Variants in NUAK1 observed in about 807,000 individuals in gnomAD.
The protein encoded by NUAK1 is NUAK family kinase 1, also known as NUAK family SNF1-like kinase 1.
In NUAK1, 26 loss-of-function variants were observed where a neutral mutation model predicts 56.9. That is an observed-to-expected ratio of 0.46 (90% CI 0.33 to 0.63). NUAK1 has a LOEUF of 0.63. NUAK1 is among the 30% of genes least tolerant of loss of function. The pLI, the probability that NUAK1 is intolerant of heterozygous loss-of-function variation, is 0.02. For synonymous variants in NUAK1, 337 were observed against 336.0 expected, an observed-to-expected ratio of 1.00 and a Z score of -0.03; for missense variants, 727 against 876.1, an observed-to-expected ratio of 0.83 and a Z score of 2.15.
At chr12:106,122,992 A>G (rs983886550) in intron 1 of NUAK1, among the ~76,000 whole-genome samples, 1 of 152,208 alleles carries the variant, frequency 6.6e-6, no homozygotes, top group Non-Finnish European at 1.5e-5. Context: ...TGCTCGACAA[A>G]TATCAGATGA....
chr12:106,081,376 A>G (rs1375461631), intron 4 of NUAK1, among the ~76,000 whole-genome samples: 1 of 152,242 alleles, frequency 6.6e-6, no homozygotes, highest in Non-Finnish European at 1.5e-5. Flanking sequence ...GGAATTTAAA[A>G]GTGTTGATAA....
rs765737007 is a variant in NUAK1, at chr12:106,066,928, G to C, written c.1860C>G (p.Pro620=). The stretch of plus-strand genomic sequence containing the variant: ...GGTACCGCTTCAGGTACTGGGGCCG[G>C]GGCCGGTTCTGGAGCCCCTCAAAGT... The part of the protein sequence containing the change: ...IQDFEGLQNR[P]RPQYLKRYRN... The change falls in exon 7 of 7, where the codon CCC becomes CCG. Residue 620 remains proline, a synonymous_variant. Coordinates refer to ENST00000261402, the MANE Select transcript of NUAK1 (RefSeq NM_014840.3). 2 of 1,614,144 alleles carry C rather than the reference G, an allele frequency of 1.2e-6. No homozygotes were observed. The highest frequency in any genetic ancestry group is 2.2e-5 in the South Asian group (2 of 91,090).
chr12:106,112,072 G>T (rs1406113721), intron 1 of NUAK1, among the ~76,000 whole-genome samples: 3 of 151,720 alleles, frequency 2.0e-5, no homozygotes, highest in Non-Finnish European at 4.4e-5. Flanking sequence ...CCAAGCAGAT[G>T]AAGTTTTACA....
intron 5 of NUAK1, among the ~76,000 whole-genome samples, chr12:106,071,310 C>A (rs567265722): frequency 1.3e-5 from 2 of 152,266 alleles, no homozygotes; most frequent in African/African-American, 4.8e-5. Flanking sequence ...AACTGGGATG[C>A]GGGGCTCTTC....
At chr12:106,073,647 G>A (rs544734547) in intron 4 of NUAK1, among the ~76,000 whole-genome samples, 8 of 152,062 alleles carry the variant, frequency 5.3e-5, no homozygotes, top group Admixed American at 2.6e-4. Flanking sequence ...GAAAAACCCC[G>A]TCTCTACTAA....
chr12:106,091,222 C>A (rs185918477), intron 2 of NUAK1, among the ~76,000 whole-genome samples: 2 of 152,308 alleles, frequency 1.3e-5, no homozygotes, highest in African/African-American at 4.8e-5. Context: ...AAAATGAAAG[C>A]CTGTGTCTCT....
rs772669640 is a variant in NUAK1 at position 106,067,251 on chromosome 12, T to G, written c.1537A>C (p.Thr513Pro). Reference protein sequence around the residue: ...SPSPPDPARVTSHSLSCRRKG... With the variant: ...SPSPPDPARVPSHSLSCRRKG... ...CTCCGGCAGGAGAGGCTGTGGGAGG[T>G]TACCCTGGCTGGGTCCGGGGGGCTG... Residue 513 changes from threonine (T) to proline (P), a missense_variant, in exon 7 of 7, where the codon ACC becomes CCC. Transcript: ENST00000261402. The surrounding 1 kb of genome is among the most constrained non-coding windows in gnomAD (Gnocchi z 6.0). 3.7e-6 allele frequency: 6 copies of G among 1,613,734 alleles called. No individual in the cohort carries two copies. Among genetic ancestry groups the G allele is most frequent in the African/African-American group, 2.7e-5 (2 of 74,796 alleles).
chr12:106,137,222 C>T (rs2033138556), intron 1 of NUAK1, among the ~76,000 whole-genome samples: 1 of 152,090 alleles, frequency 6.6e-6, no homozygotes, highest in Non-Finnish European at 1.5e-5. Flanking sequence ...AGAACTGTTC[C>T]TGCCGAAATG....
chr12:106,074,128 TC>T (rs775464768), intron 4 of NUAK1, among the ~76,000 whole-genome samples: 1 of 152,076 alleles, frequency 6.6e-6, no homozygotes, highest in Non-Finnish European at 1.5e-5. Flanking sequence ...TTCCACATCC[TC>T]CCCTTATCTT....
At chr12:106,101,948 A>AG (rs1439027896) in intron 2 of NUAK1, among the ~76,000 whole-genome samples, 4 of 152,180 alleles carry the variant, frequency 2.6e-5, no homozygotes, top group African/African-American at 9.7e-5. Flanking sequence ...TCCCAGTGAG[A>AG]GGTGTAGGAG....
At chr12:106,131,562 A>G (rs1260449678) in intron 1 of NUAK1, among the ~76,000 whole-genome samples, 2 of 152,244 alleles carry the variant, frequency 1.3e-5, no homozygotes, top group Non-Finnish European at 2.9e-5. Context: ...AAAATATTCC[A>G]TAAATAAAAT....
At chr12:106,068,305 C>T (rs781086936) in intron 6 of NUAK1, among the ~76,000 whole-genome samples, 16 of 152,190 alleles carry the variant, frequency 1.1e-4, no homozygotes, top group Admixed American at 5.9e-4. Flanking sequence ...TGAGAGGTGC[C>T]CCACCATTCC....
rs762287388 is a variant in NUAK1 at position 106,067,846 on chromosome 12, C to T, written c.942G>A (p.Val314=). ...WWVNWGYKSS[V]CDCDALHDSE... ...AGTCATGGAGGGCATCACAGTCACA[C>T]ACGCTGCTCTTATAGCCCCAGTTCA... Residue 314 remains valine, a synonymous_variant, in exon 7 of 7, where the codon GTG becomes GTA. Coordinates refer to ENST00000261402, the MANE Select transcript of NUAK1 (RefSeq NM_014840.3). This position sits in a 1 kb window ranked among gnomAD's most constrained non-coding sequence, Gnocchi z 6.0. 1.4e-5 allele frequency: 22 copies of T among 1,614,104 alleles called. No homozygotes were observed. In the South Asian group the frequency reaches 1.4e-4, roughly 10 times the overall value.
intron 1 of NUAK1, among the ~76,000 whole-genome samples, chr12:106,135,455 G>A (rs1322156372): frequency 6.6e-6 from 1 of 152,182 alleles, no homozygotes. Flanking sequence ...GTTGTGTTTT[G>A]TTTTATTCAG....
rs939650953 is a variant in NUAK1 at position 106,138,083 on chromosome 12, C to A, written c.240+331G>T. On this transcript the variant is annotated intron_variant, in intron 1 of 6. Transcript: ENST00000261402. This position sits in a 1 kb window ranked among gnomAD's most constrained non-coding sequence, Gnocchi z 5.0. ...TTTCGGGGCATGGTCTAAATGAGTGCCTGCGAGGGAGAGAGACCCCGGCCG... is the reference window on the plus strand; with the variant it reads ...TTTCGGGGCATGGTCTAAATGAGTGACTGCGAGGGAGAGAGACCCCGGCCG... Among the ~76,000 whole-genome samples the A allele has an allele frequency of 2.0e-5, 3 of 152,182 alleles. No individual in the cohort carries two copies. Among genetic ancestry groups the A allele is most frequent in the Non-Finnish European group, 2.9e-5 (2 of 68,042 alleles).
intron 1 of NUAK1, among the ~76,000 whole-genome samples, chr12:106,133,905 C>T (rs1176711339): frequency 6.6e-6 from 1 of 152,204 alleles, no homozygotes; most frequent in Non-Finnish European, 1.5e-5. Flanking sequence ...TATGTCTCAG[C>T]ATTTAACATG....
intron 2 of NUAK1, among the ~76,000 whole-genome samples, chr12:106,097,415 C>T (rs1368322350): frequency 2.0e-5 from 3 of 152,196 alleles, no homozygotes; most frequent in Non-Finnish European, 2.9e-5. Flanking sequence ...TTTTGTAAAA[C>T]ACATGAATGA....
intron 1 of NUAK1, among the ~76,000 whole-genome samples, chr12:106,125,574 G>A (rs909006111): frequency 1.3e-5 from 2 of 152,138 alleles, no homozygotes; most frequent in African/African-American, 4.8e-5. Flanking sequence ...ATAGTGCCTG[G>A]CACACACTGA....
At chr12:106,123,396 A>C (rs1432454039) in intron 1 of NUAK1, among the ~76,000 whole-genome samples, 1 of 152,216 alleles carries the variant, frequency 6.6e-6, no homozygotes, top group African/African-American at 2.4e-5. Context: ...GCTACTGGGC[A>C]CTTGAAATGT....
Sources: gnomAD v4.1 joint callset for allele counts (sites outside exome capture counted in the v4.1 genomes callset) on GRCh38, gnomAD v4.1.1 for gene constraint, Gnocchi (gnomAD v3.1) non-coding constraint, MANE v1.5 for transcripts, NCBI Gene and HGNC (gene_info 2026-07-23, HGNC 2026-07-21) for gene names.